Variants in TNRC6B observed in about 807,000 individuals in gnomAD.
TNRC6B encodes trinucleotide repeat-containing gene 6B protein.
Under a neutral mutation model 203.6 loss-of-function variants are expected in TNRC6B, and 52 were observed. The ratio of observed to expected loss-of-function variants is 0.26; its 90% CI spans 0.20 to 0.32. The LOEUF (loss-of-function observed/expected upper bound fraction) is 0.32. Ranked by LOEUF, TNRC6B falls within the 10% of genes least tolerant of loss-of-function variation. The probability of loss-of-function intolerance (pLI) is 1.00; values close to 1 mark genes in which losing one functional copy is unlikely to be tolerated. For synonymous variants in TNRC6B, 838 were observed against 845.7 expected, an observed-to-expected ratio of 0.99 and a Z score of 0.16; for missense variants, 1,923 against 2,286.2, an observed-to-expected ratio of 0.84 and a Z score of 3.24.
At chr22:40,136,605 C>CA (rs2068602309) in intron 3 of TNRC6B, among the ~76,000 whole-genome samples, 1 of 151,748 alleles carries the variant, frequency 6.6e-6, no homozygotes, top group Admixed American at 6.6e-5. Flanking sequence ...GACATGGTCT[C>CA]ACTATGTTGC....
intron 1 of TNRC6B, among the ~76,000 whole-genome samples, chr22:40,195,752 C>T (rs2069328926): frequency 6.6e-6 from 1 of 151,708 alleles, no homozygotes; most frequent in South Asian, 2.1e-4. Flanking sequence ...CCATCCTCAG[C>T]TTTATTTTGT....
intron 22 of TNRC6B, chr22:40,321,462 T>G (rs1378662212): frequency 6.2e-6 from 3 of 483,032 alleles, no homozygotes; most frequent in Non-Finnish European, 1.1e-5. Context: ...CAAACGTAAA[T>G]AATTTGTGAA....
chr22:40,223,828 G>A (rs2069748138), intron 1 of TNRC6B, among the ~76,000 whole-genome samples: 1 of 152,114 alleles, frequency 6.6e-6, no homozygotes, highest in Admixed American at 6.6e-5. Context: ...CATTTTGATA[G>A]GTAGCTGCCA....
intron 12 of TNRC6B, among the ~76,000 whole-genome samples, chr22:40,287,001 G>A (rs535114266): frequency 6.6e-6 from 1 of 152,174 alleles, no homozygotes; most frequent in Admixed American, 6.6e-5. Context: ...TGTTGTTTTT[G>A]TGTTTTTATT....
chr22:40,281,231 A>G lies in TNRC6B; in HGVS notation c.3524A>G (p.Asn1175Ser), dbSNP rs1270127227. 1 of 1,551,342 alleles carries G rather than the reference A, an allele frequency of 6.4e-7. No individual in the cohort carries two copies. The highest frequency in any genetic ancestry group is 1.2e-5 in the South Asian group (1 of 84,012). The stretch of plus-strand genomic sequence containing the variant: ...TCTCCCTCTGGTTCCACACTACCCA[A>G]CGTCAGCCTTGGAGCAATCGGCACA... ...KLSPSGSTLP[N>S]VSLGAIGTGL... Residue 1175 changes from asparagine to serine, a missense_variant, in exon 11 of 23, where the codon AAC becomes AGC. By Grantham distance (46) the Asn-to-Ser change is conservative. Around this residue, in one of 8 missense-constraint regions of TNRC6B, gnomAD observed 599 missense variants for 656.5 expected, o/e 0.91. Transcript: ENST00000454349.
At chr22:40,308,330 G>A (rs1280371894) in intron 15 of TNRC6B, among the ~76,000 whole-genome samples, 182 bp from the exon 16 acceptor site, 1 of 152,202 alleles carries the variant, frequency 6.6e-6, no homozygotes, top group East Asian at 1.9e-4. Flanking sequence ...TTCACAGAGA[G>A]ACATCACTTA....
intron 4 of TNRC6B, among the ~76,000 whole-genome samples, chr22:40,158,694 C>T (rs2068842160): frequency 6.6e-6 from 1 of 152,158 alleles, no homozygotes; most frequent in Non-Finnish European, 1.5e-5. Flanking sequence ...TCACAAGTCT[C>T]ATACTGCCTG....
chr22:40,182,061 G>C (rs1210582412), intron 1 of TNRC6B, among the ~76,000 whole-genome samples: 1 of 151,946 alleles, frequency 6.6e-6, no homozygotes, highest in African/African-American at 2.4e-5. Flanking sequence ...TGGACAATAT[G>C]GTGAACCCTT....
At chr22:40,154,450 C>T (rs1050920522) in intron 3 of TNRC6B, among the ~76,000 whole-genome samples, 11 of 150,940 alleles carry the variant, frequency 7.3e-5, no homozygotes, top group African/African-American at 2.2e-4. Flanking sequence ...GGTGACAGGG[C>T]GAGACTCCAT....
chr22:40,277,869 C>T, intron 8 of TNRC6B, 130 bp from the exon 9 acceptor site: 1 of 695,698 alleles, frequency 1.4e-6, no homozygotes, highest in African/African-American at 1.8e-5. Context: ...GTCTTCAGTA[C>T]CATCAAGTTC....
In TNRC6B at chr22:40,149,801, G is replaced by C. The variant is rs1169839836; in HGVS notation, c.46-6314G>C. Among the ~76,000 whole-genome samples, 5 of 145,256 alleles carry C rather than the reference G, an allele frequency of 3.4e-5. 1 individual carries two copies. Among genetic ancestry groups the C allele is most frequent in the East Asian group, 2.1e-4 (1 of 4,834 alleles). On this transcript the variant is annotated intron_variant, in intron 3 of 23. Transcript: ENST00000301923. ...TATGTATGTGTCAAAACTAAAAATTGTACTTTTTTTTTTAAGAGACAGGGT... is the reference window on the plus strand; with the variant it reads ...TATGTATGTGTCAAAACTAAAAATTCTACTTTTTTTTTTAAGAGACAGGGT...
chr22:40,214,843 C>T (rs1300704358), intron 1 of TNRC6B, among the ~76,000 whole-genome samples: 1 of 152,126 alleles, frequency 6.6e-6, no homozygotes, highest in Non-Finnish European at 1.5e-5. Flanking sequence ...CATGAACCAC[C>T]ACACCCAGCC....
At chr22:40,183,111 A>G (rs1250458802) in intron 1 of TNRC6B, among the ~76,000 whole-genome samples, 1 of 152,168 alleles carries the variant, frequency 6.6e-6, no homozygotes, top group Non-Finnish European at 1.5e-5. Flanking sequence ...ATGTGTGAGT[A>G]TAAGGTCACC....
At chr22:40,185,766 G>C (rs568068133) in intron 1 of TNRC6B, among the ~76,000 whole-genome samples, 1 of 152,156 alleles carries the variant, frequency 6.6e-6, no homozygotes, top group Non-Finnish European at 1.5e-5. Context: ...TGCAGAGGAG[G>C]ACTTGGTGGG....
intron 17 of TNRC6B, among the ~76,000 whole-genome samples, chr22:40,311,543 A>T (rs900177141): frequency 2.8e-5 from 4 of 144,250 alleles, no homozygotes; most frequent in Admixed American, 6.9e-5. Flanking sequence ...TTAAGGTAGA[A>T]TTTTTTTTTT....
At chr22:40,050,944 C>A (rs1456026413) in intron 1 of TNRC6B, among the ~76,000 whole-genome samples, 1 of 151,830 alleles carries the variant, frequency 6.6e-6, no homozygotes, top group African/African-American at 2.4e-5. Flanking sequence ...TCTGCCTCAG[C>A]CTCTCGAGTA....
chr22:40,287,256 A>G (rs1222789899), intron 12 of TNRC6B, among the ~76,000 whole-genome samples: 1 of 151,922 alleles, frequency 6.6e-6, no homozygotes, highest in African/African-American at 2.4e-5. Flanking sequence ...CAGTCCTTCC[A>G]CCTCAGCCTC....
intron 15 of TNRC6B, among the ~76,000 whole-genome samples, chr22:40,306,199 A>G (rs988625079): frequency 6.6e-5 from 10 of 152,234 alleles, no homozygotes; most frequent in African/African-American, 2.2e-4. Context: ...AGGCTAAGGC[A>G]GGAAAATCGC....
At chr22:40,116,294 C>T (rs2068387508) in intron 1 of TNRC6B, among the ~76,000 whole-genome samples, 1 of 152,228 alleles carries the variant, frequency 6.6e-6, no homozygotes, top group Admixed American at 6.5e-5. Flanking sequence ...CTTTGAGCAC[C>T]TACACACACA....
Sources: gnomAD v4.1 joint callset for allele counts (sites outside exome capture counted in the v4.1 genomes callset) on GRCh38, gnomAD v4.1.1 for gene constraint, gnomAD v4.1.1 regional missense constraint, MANE v1.5 for transcripts, NCBI Gene and HGNC (gene_info 2026-07-23, HGNC 2026-07-21) for gene names.